The following AKAP6 variants were observed in gnomAD, a reference collection of about 807,000 sequenced individuals.
The protein encoded by AKAP6 is A-kinase anchoring protein 6.
Under a neutral mutation model 188.5 loss-of-function variants are expected in AKAP6, and 58 were observed. The ratio of observed to expected loss-of-function variants is 0.31; its 90% CI spans 0.25 to 0.38. AKAP6 has a LOEUF of 0.38. Among genes scored for constraint, AKAP6 ranks in the 10% least tolerant of loss-of-function variants. The pLI is 1.00. For missense variants in AKAP6, 2,710 were observed against 2,740.0 expected (o/e 0.99, Z 0.24); for synonymous variants, 989 against 998.6 (o/e 0.99, Z 0.18).
chr14:32,726,473 C>G (rs1385241838), intron 9 of AKAP6, among the ~76,000 whole-genome samples: 1 of 152,216 alleles, frequency 6.6e-6, no homozygotes, highest in Admixed American at 6.5e-5. Context: ...ACACTAAATT[C>G]TAAAAATGTC....
chr14:32,706,071 G>A (rs1249038513), intron 9 of AKAP6, among the ~76,000 whole-genome samples: 1 of 152,112 alleles, frequency 6.6e-6, no homozygotes, highest in African/African-American at 2.4e-5. Context: ...GTGGAGCTGT[G>A]CTAATAACTA....
In AKAP6 at chr14:32,822,920, G is replaced by T. The variant is rs2034569663; in HGVS notation, c.5107G>T (p.Asp1703Tyr). 6.2e-7 allele frequency: 1 copy of T among 1,613,726 alleles called. No individual in the cohort carries two copies. Among genetic ancestry groups the T allele is most frequent in the South Asian group, 1.1e-5 (1 of 91,080 alleles). The change falls in exon 13 of 14, where the codon GAT becomes TAT. Residue 1703 changes from aspartate (D) to tyrosine (Y), a missense_variant. This residue lies in a region of AKAP6 where 2,473 missense variants were observed against 2,426.1 expected (regional missense o/e 1.02). Coordinates refer to ENST00000280979, the MANE Select transcript of AKAP6 (RefSeq NM_004274.5). The stretch of plus-strand genomic sequence containing the variant: ...TGACGAGCTCTCTCTTTGCTCAGAG[G>T]ATATTGTGTTACACAAGAACAAGAT... ...SSDELSLCSE[D>Y]IVLHKNKIPE...
rs910653729 is a variant in AKAP6 at position 32,553,695 on chromosome 14, T to A, written c.2346+6696T>A. Among the ~76,000 whole-genome samples the A allele has an allele frequency of 1.2e-4, 19 of 152,190 alleles. 1 individual carries two copies. Among genetic ancestry groups the A allele is most frequent in the Admixed American group, 1.1e-3 (17 of 15,284 alleles). ...AATGAAAACAAAAATTTTAAGGCAA[T>A]ATTTTTAAAACTGGGGAATCAGTTG... On this transcript the variant is annotated intron_variant, in intron 4 of 13. Coordinates refer to ENST00000280979, the MANE Select transcript of AKAP6 (RefSeq NM_004274.5).
At chr14:32,803,761 A>G (rs1479131668) in intron 12 of AKAP6, among the ~76,000 whole-genome samples, 1 of 152,218 alleles carries the variant, frequency 6.6e-6, no homozygotes, top group Admixed American at 6.5e-5. Context: ...CTCTAAACAC[A>G]TACATACAGC....
chr14:32,828,521 TCTCTCTCTCACACACACACA>T (rs1284931647), intron 13 of AKAP6, among the ~76,000 whole-genome samples: 1,544 of 32,652 alleles, frequency 0.047, 26 homozygotes, highest in African/African-American at 0.098. Context: ...TCTCTCTCTC[TCTCTCTCTCACACACACACA>T]CACACACACA....
intron 2 of AKAP6, among the ~76,000 whole-genome samples, chr14:32,518,818 A>G (rs1881661827): frequency 6.6e-6 from 1 of 152,208 alleles, no homozygotes; most frequent in South Asian, 2.1e-4. Context: ...AGGCAGACCA[A>G]CATTCAAATT....
intron 9 of AKAP6, among the ~76,000 whole-genome samples, chr14:32,730,254 G>A (rs753045429): frequency 6.6e-6 from 1 of 152,020 alleles, no homozygotes; most frequent in Non-Finnish European, 1.5e-5. Context: ...TTGTATTAGA[G>A]TTTGAAGGCA....
At chr14:32,514,415 A>G (rs150642068) in intron 2 of AKAP6, among the ~76,000 whole-genome samples, 4 of 152,340 alleles carry the variant, frequency 2.6e-5, no homozygotes, top group East Asian at 3.9e-4. Context: ...AAGCTGTGCC[A>G]TGGTCTTACT....
intron 7 of AKAP6, among the ~76,000 whole-genome samples, chr14:32,672,751 G>A (rs371614587): frequency 2.6e-5 from 4 of 152,212 alleles, no homozygotes; most frequent in African/African-American, 9.6e-5. Context: ...AATCTCTTAG[G>A]CATTCCCACT....
intron 11 of AKAP6, among the ~76,000 whole-genome samples, chr14:32,772,595 G>A (rs2032932819): frequency 6.6e-6 from 1 of 152,120 alleles, no homozygotes. Context: ...TCCACCTGCT[G>A]ATCTGATACC....
chr14:32,566,219 A>G (rs1029963233), intron 4 of AKAP6, among the ~76,000 whole-genome samples: 2 of 152,222 alleles, frequency 1.3e-5, no homozygotes, highest in Non-Finnish European at 2.9e-5. Flanking sequence ...CAGAAGTAGA[A>G]ATAGAAATCC....
Position 32,568,280 on chromosome 14 carries a change from G to T in AKAP6, c.2347-8840G>T, listed in dbSNP as rs375104304. 1.3e-5 allele frequency among the ~76,000 whole-genome samples: 2 copies of T among 151,996 alleles called. No homozygotes were observed. Among genetic ancestry groups the T allele is most frequent in the Non-Finnish European group, 2.9e-5 (2 of 67,998 alleles). On this transcript the variant is annotated intron_variant, in intron 4 of 13. Transcript: ENST00000280979. This position sits in a 1 kb window ranked among gnomAD's most constrained non-coding sequence, Gnocchi z 6.2. ...ACAGTAGTCCAGAGCTTAGACCCTG[G>T]AACAAAACTATTTAATAACCACTTA... is the stretch of plus-strand genomic sequence containing the variant.
chr14:32,643,632 TCCTTTTC>T (rs1213020210), intron 7 of AKAP6, among the ~76,000 whole-genome samples: 1 of 152,158 alleles, frequency 6.6e-6, no homozygotes, highest in African/African-American at 2.4e-5. Flanking sequence ...CCTGCTTTTC[TCCTTTTC>T]CCTTTTCCTT....
intron 2 of AKAP6, among the ~76,000 whole-genome samples, chr14:32,488,905 G>A (rs558808544): frequency 4.6e-5 from 7 of 152,242 alleles, no homozygotes; most frequent in South Asian, 2.1e-4. Context: ...GAAATCACCC[G>A]CCTTCTGCGT....
intron 7 of AKAP6, among the ~76,000 whole-genome samples, chr14:32,645,711 G>T (rs1358474922): frequency 6.6e-6 from 1 of 152,120 alleles, no homozygotes; most frequent in Non-Finnish European, 1.5e-5. Context: ...GGAGCAGGTG[G>T]GTGATAAAGG....
intron 1 of AKAP6, among the ~76,000 whole-genome samples, chr14:32,411,552 G>C (rs1011740416): frequency 3.9e-5 from 6 of 152,044 alleles, no homozygotes; most frequent in Non-Finnish European, 7.4e-5. Context: ...GGTTTTAGCT[G>C]GTTCTTAAAT....
intron 11 of AKAP6, among the ~76,000 whole-genome samples, chr14:32,740,775 A>G (rs192602142): frequency 6.6e-6 from 1 of 151,916 alleles, no homozygotes; most frequent in Non-Finnish European, 1.5e-5. Flanking sequence ...TTAACTACTA[A>G]TTCTGTAGTA....
At chr14:32,455,996 C>T (rs933683326) in intron 2 of AKAP6, among the ~76,000 whole-genome samples, 15 of 151,204 alleles carry the variant, frequency 9.9e-5, no homozygotes, top group Non-Finnish European at 5.9e-5. Flanking sequence ...TAATCTTAAC[C>T]TGGTGATTTT....
intron 12 of AKAP6, among the ~76,000 whole-genome samples, chr14:32,806,874 A>G (rs188955965): frequency 2.0e-5 from 3 of 152,100 alleles, no homozygotes; most frequent in African/African-American, 7.2e-5. Flanking sequence ...AACCACATTT[A>G]TGTATTCATT....
Sources: allele counts gnomAD v4.1 joint callset (sites outside exome capture counted in the v4.1 genomes callset), GRCh38; gene constraint gnomAD v4.1.1; regional missense constraint gnomAD v4.1.1; non-coding constraint Gnocchi (gnomAD v3.1); transcripts MANE v1.5; gene names NCBI Gene and HGNC (gene_info 2026-07-23, HGNC 2026-07-21).